UBE2Q2: variants seen among roughly 807,000 people sequenced by gnomAD.
UBE2Q2 encodes the protein ubiquitin conjugating enzyme E2 Q2.
A neutral mutation model predicts 59.9 loss-of-function variants in UBE2Q2; 54 were observed. That is an observed-to-expected ratio of 0.90 (90% CI 0.72 to 1.13). The LOEUF is 1.13. Among genes scored for constraint, UBE2Q2 ranks in the 50% most tolerant of loss-of-function variants. UBE2Q2 has a pLI of 0.00. For synonymous variants in UBE2Q2, 165 were observed against 155.2 expected (o/e 1.06, Z -0.47); for missense variants, 433 against 441.9 (o/e 0.98, Z 0.18).
chr15:75,862,961 T>C (rs918085139), intron 3 of UBE2Q2, among the ~76,000 whole-genome samples: 1 of 152,084 alleles, frequency 6.6e-6, no homozygotes, highest in African/African-American at 2.4e-5. Context: ...CAATCATAAA[T>C]GATGGCTGGA....
At chr15:75,854,559 T>A (rs1469498402) in intron 2 of UBE2Q2, 72 bp downstream of exon 2, 1 of 881,802 alleles carries the variant, frequency 1.1e-6, no homozygotes, top group Non-Finnish European at 1.7e-6. Flanking sequence ...TGTTAAGAGA[T>A]AATATGATAT....
intron 3 of UBE2Q2, 96 bp from the exon 4 acceptor site, chr15:75,868,855 A>G: frequency 1.0e-6 from 1 of 1,001,176 alleles, no homozygotes; most frequent in Non-Finnish European, 1.5e-6. Flanking sequence ...GACTCCAGTG[A>G]CAGATGTTTG....
chr15:75,895,197 T>C (rs998582952), intron 11 of UBE2Q2: 1 of 150,850 alleles, frequency 6.6e-6, no homozygotes, highest in Non-Finnish European at 1.5e-5. Flanking sequence ...AAAAAAAAAA[T>C]TTTGAGATGG....
intron 9 of UBE2Q2, among the ~76,000 whole-genome samples, chr15:75,888,806 G>C (rs533748215): frequency 6.6e-6 from 1 of 152,192 alleles, no homozygotes; most frequent in South Asian, 2.1e-4. Flanking sequence ...TGCACTTTTT[G>C]ACCTGAAAAT....
rs749359841 is a variant in UBE2Q2 at position 75,890,488 on chromosome 15, CTT to C, written c.933+8_933+9del. The C allele has an allele frequency of 4.4e-6, 7 of 1,607,952 alleles. No homozygotes were observed. The highest frequency in any genetic ancestry group is 2.2e-5 in the East Asian group (1 of 44,538). On this transcript the variant is annotated splice_donor_region_variant and intron_variant, in intron 10 of 12. Coordinates refer to ENST00000267938, the MANE Select transcript of UBE2Q2 (RefSeq NM_173469.4). Reference sequence around the variant, plus strand: ...ATGGAACTTCTCACAAAACAGGTGACTTTTCTTACGATACTCCATTTTCACCC... The same window carrying C: ...ATGGAACTTCTCACAAAACAGGTGACTTCTTACGATACTCCATTTTCACCC...
At chr15:75,859,794 G>T (rs1437261284) in intron 2 of UBE2Q2, 84 bp from the exon 3 acceptor site, 9 of 916,740 alleles carry the variant, frequency 9.8e-6, no homozygotes, top group Non-Finnish European at 1.4e-5. Context: ...TTTCCTACTG[G>T]ATTGATTACA....
chr15:75,880,848 A>G (rs1898369895), intron 8 of UBE2Q2, among the ~76,000 whole-genome samples: 1 of 152,214 alleles, frequency 6.6e-6, no homozygotes, highest in Admixed American at 6.5e-5. Flanking sequence ...ATTTTGATGG[A>G]AAAAGCAATA....
Position 75,854,344 on chromosome 15 carries a change from G to T in UBE2Q2, c.181-42G>T, listed in dbSNP as rs1207131226. 2.0e-6 allele frequency: 3 copies of T among 1,506,366 alleles called. No homozygotes were observed. In the East Asian group the frequency reaches 6.8e-5, roughly 34 times the overall value. The allele number at this position is 1,506,366 out of a possible 1,614,324, so 93.3% of individuals were successfully genotyped here. ...GTGGTTTAATTGCATATTTGGGTTA[G>T]TCTGTATGTAAATGTTTAACATGTG... On this transcript the variant is annotated intron_variant, in intron 1 of 12. Coordinates refer to ENST00000267938, the MANE Select transcript of UBE2Q2 (RefSeq NM_173469.4).
At chr15:75,883,465 TA>T (rs751448462) in intron 9 of UBE2Q2, 41 bp downstream of exon 9, 44 of 1,553,554 alleles carry the variant, frequency 2.8e-5, no homozygotes, top group South Asian at 3.5e-5. Context: ...TTTTTTCAGT[TA>T]AAAAAAATTT....
rs373551553 is a variant in UBE2Q2, at chr15:75,888,536, G to A, written c.885-1899G>A. On this transcript the variant is annotated intron_variant, in intron 9 of 12. Transcript: ENST00000267938. Reference sequence around the variant, plus strand: ...GATGACCCTTACTTAGATCATTAATGTTTTTTTCCTTAGTATTCTTGAACT... The same window carrying A: ...GATGACCCTTACTTAGATCATTAATATTTTTTTCCTTAGTATTCTTGAACT... Among the ~76,000 whole-genome samples the A allele has an allele frequency of 1.4e-4, 22 of 152,198 alleles. No individual in the cohort carries two copies. The East Asian group carries it at 3.1e-3, about 21-fold the overall frequency.
chr15:75,843,629 T>TCCCCTTCCGCGCCCCTCC lies in UBE2Q2; in HGVS notation c.-36_-19dup. 6.5e-7 allele frequency: 1 copy of TCCCCTTCCGCGCCCCTCC among 1,537,444 alleles called. No homozygotes were observed. Among genetic ancestry groups the TCCCCTTCCGCGCCCCTCC allele is most frequent in the Non-Finnish European group, 8.7e-7 (1 of 1,144,040 alleles). ...GCCCGGCTCCCCTTCCGCGCCCGGC[T>TCCCCTTCCGCGCCCCTCC]CCCCTTCCGCGCCCCTCCCGCCGGA... On this transcript the variant is annotated 5_prime_UTR_variant, in exon 1 of 13. Coordinates refer to ENST00000267938, the MANE Select transcript of UBE2Q2 (RefSeq NM_173469.4).
intron 1 of UBE2Q2, among the ~76,000 whole-genome samples, chr15:75,845,342 T>G (rs1470905916): frequency 1.3e-5 from 2 of 152,054 alleles, no homozygotes; most frequent in Admixed American, 1.3e-4. Flanking sequence ...AGTAGAAAAT[T>G]TATGCTAAGA....
At chr15:75,854,526 G>A (rs761624004) in intron 2 of UBE2Q2, 39 bp downstream of exon 2, 1 of 1,262,952 alleles carries the variant, frequency 7.9e-7, no homozygotes, top group Non-Finnish European at 1.1e-6. Flanking sequence ...TTTTCCTCAT[G>A]AACATTACAT....
chr15:75,854,707 G>A (rs1896814320), intron 2 of UBE2Q2, among the ~76,000 whole-genome samples: 1 of 152,034 alleles, frequency 6.6e-6, no homozygotes, highest in Non-Finnish European at 1.5e-5. Context: ...ACAAATTAGG[G>A]ATCTCTTTTT....
chr15:75,859,620 G>A (rs902800872), intron 2 of UBE2Q2, among the ~76,000 whole-genome samples: 1 of 152,128 alleles, frequency 6.6e-6, no homozygotes, highest in Non-Finnish European at 1.5e-5. Context: ...ACAATGTCTG[G>A]AACTTCCTTC....
In UBE2Q2 at chr15:75,855,212, C is replaced by G. The variant is rs189843871; in HGVS notation, c.282+725C>G. On this transcript the variant is annotated intron_variant, in intron 2 of 12. Coordinates refer to ENST00000267938, the MANE Select transcript of UBE2Q2 (RefSeq NM_173469.4). The stretch of plus-strand genomic sequence containing the variant: ...ATCATTTTAAAAAACATTTACTGGC[C>G]AGGTGTGGTGGCTCACGCCTGTAAT... 2.5e-3 allele frequency among the ~76,000 whole-genome samples: 375 copies of G among 152,096 alleles called. 2 individuals are homozygous for G. Among genetic ancestry groups the G allele is most frequent in the African/African-American group, 8.6e-3 (359 of 41,504 alleles).
intron 5 of UBE2Q2, among the ~76,000 whole-genome samples, chr15:75,874,822 TAG>T (rs1003918525): frequency 4.6e-5 from 7 of 152,348 alleles, no homozygotes; most frequent in Admixed American, 2.0e-4. Flanking sequence ...TGCCTTGTGT[TAG>T]AGCTATTGAC....
chr15:75,851,028 T>A (rs764488792), intron 1 of UBE2Q2, among the ~76,000 whole-genome samples: 2 of 152,224 alleles, frequency 1.3e-5, no homozygotes, highest in Non-Finnish European at 2.9e-5. Flanking sequence ...ATTTGTTGTA[T>A]GCTATTTGCT....
intron 5 of UBE2Q2, among the ~76,000 whole-genome samples, chr15:75,874,512 G>A (rs1251034381): frequency 2.1e-5 from 3 of 140,326 alleles, no homozygotes; most frequent in Non-Finnish European, 3.1e-5. Context: ...TTGAACTCCC[G>A]ACTTCAAGTG....
Sources: allele counts gnomAD v4.1 joint callset (sites outside exome capture counted in the v4.1 genomes callset), GRCh38; gene constraint gnomAD v4.1.1; transcripts MANE v1.5; gene names NCBI Gene and HGNC (gene_info 2026-07-23, HGNC 2026-07-21).